Variants in NR3C2 observed in about 807,000 individuals in gnomAD.
NR3C2 encodes the protein nuclear receptor subfamily 3 group C member 2.
NR3C2 carries 15 observed loss-of-function variants against 86.4 expected under a neutral mutation model. The ratio of observed to expected loss-of-function variants is 0.17; its 90% CI spans 0.12 to 0.27. The LOEUF is 0.27. Among genes scored for constraint, NR3C2 ranks in the 10% least tolerant of loss-of-function variants. The pLI, the probability that NR3C2 is intolerant of heterozygous loss-of-function variation, is 1.00. For synonymous variants in NR3C2, 458 were observed against 450.5 expected (o/e 1.02, Z -0.21); for missense variants, 960 against 1,195.6 (o/e 0.80, Z 2.91).
chr4:148,259,020 T>A (rs530091395), intron 3 of NR3C2, among the ~76,000 whole-genome samples: 10 of 152,316 alleles, frequency 6.6e-5, no homozygotes, highest in Admixed American at 5.9e-4. Flanking sequence ...AGAGAAAGAA[T>A]AATTACTTGG....
At chr4:148,111,698 A>C (rs1359759123) in intron 8 of NR3C2, among the ~76,000 whole-genome samples, 2 of 152,216 alleles carry the variant, frequency 1.3e-5, no homozygotes, top group African/African-American at 4.8e-5. Flanking sequence ...GTGAATCTCA[A>C]CGTTACTATG....
intron 6 of NR3C2, among the ~76,000 whole-genome samples, chr4:148,141,606 C>G (rs1319919615): frequency 6.6e-6 from 1 of 152,148 alleles, no homozygotes; most frequent in African/African-American, 2.4e-5. Context: ...TACTATAGAG[C>G]AGGGGTCCCC....
chr4:148,366,712 C>T (rs1447163525), intron 2 of NR3C2, among the ~76,000 whole-genome samples: 2 of 152,032 alleles, frequency 1.3e-5, no homozygotes, highest in South Asian at 2.1e-4. Context: ...TTCTCTTTCC[C>T]CACATACTTA....
At chr4:148,345,703 G>A (rs778709723) in intron 2 of NR3C2, among the ~76,000 whole-genome samples, 3 of 151,818 alleles carry the variant, frequency 2.0e-5, no homozygotes, top group African/African-American at 7.3e-5. Flanking sequence ...TTCGTGTGCC[G>A]GAGTAAAGGT....
At position 148,200,638 on chromosome 4, in the gene NR3C2, A is replaced by G. The variant is rs116765676; in HGVS notation, c.1898-5776T>C. 8.0e-3 allele frequency among the ~76,000 whole-genome samples: 1,219 copies of G among 152,284 alleles called. 12 individuals are homozygous for G. Among genetic ancestry groups the G allele is most frequent in the African/African-American group, 0.028 (1,158 of 41,544 alleles). On this transcript the variant is annotated intron_variant, in intron 3 of 8. Coordinates refer to ENST00000358102, the MANE Select transcript of NR3C2 (RefSeq NM_000901.5). ...TTTAGAGAAGTTACTTAGCCTTTTC[A>G]TATATCAGTTTCCTGACTTGTTAAA...
intron 2 of NR3C2, among the ~76,000 whole-genome samples, chr4:148,276,350 T>C (rs560269749): frequency 6.6e-6 from 1 of 152,330 alleles, no homozygotes; most frequent in South Asian, 2.1e-4. Context: ...TTTATATACC[T>C]ACAACTCTGA....
At chr4:148,187,045 A>C (rs865966143) in intron 4 of NR3C2, among the ~76,000 whole-genome samples, 6 of 109,804 alleles carry the variant, frequency 5.5e-5, no homozygotes, top group African/African-American at 1.5e-4. Flanking sequence ...TATATATATA[A>C]AGAAACTGTG....
chr4:148,306,593 T>C (rs2149930291), intron 2 of NR3C2, among the ~76,000 whole-genome samples: 1 of 152,358 alleles, frequency 6.6e-6, no homozygotes, highest in Admixed American at 6.5e-5. Flanking sequence ...TGAATCCCCC[T>C]GTGGGAACAC....
chr4:148,217,371 T>C (rs1322186326), intron 3 of NR3C2, among the ~76,000 whole-genome samples: 1 of 152,132 alleles, frequency 6.6e-6, no homozygotes, highest in Admixed American at 6.5e-5. Flanking sequence ...AGGAAAAATC[T>C]CTCATTTCCC....
At chr4:148,253,217 G>T (rs1739659533) in intron 3 of NR3C2, among the ~76,000 whole-genome samples, 1 of 152,190 alleles carries the variant, frequency 6.6e-6, no homozygotes, top group South Asian at 2.1e-4. Context: ...TGCAAGCTGG[G>T]TGTTGCCTCT....
chr4:148,298,434 C>T (rs1742170199), intron 2 of NR3C2, among the ~76,000 whole-genome samples: 1 of 152,160 alleles, frequency 6.6e-6, no homozygotes, highest in Non-Finnish European at 1.5e-5. Context: ...GCGCCTTGAT[C>T]ACTATTTTTA....
In NR3C2 at chr4:148,114,193, T is replaced by G; in HGVS notation, c.2710A>C (p.Arg904=). 6.2e-7 allele frequency: 1 copy of G among 1,613,960 alleles called. No individual in the cohort carries two copies. The highest frequency in any genetic ancestry group is 2.2e-5 in the East Asian group (1 of 44,882). The change falls in exon 8 of 9, where the codon AGG becomes CGG. Residue 904 remains arginine (R), a synonymous_variant. Transcript: ENST00000358102. ...EMRTNYIKEL[R]KMVTKCPNNS... Reference sequence around the variant, plus strand: ...TTGGGACACTTAGTTACCATCTTCCTCAGTTCTTTGATGTAATTTGTCCTC... The same window carrying G: ...TTGGGACACTTAGTTACCATCTTCCGCAGTTCTTTGATGTAATTTGTCCTC...
intron 2 of NR3C2, among the ~76,000 whole-genome samples, chr4:148,358,611 T>TA: frequency 7.5e-6 from 1 of 132,928 alleles, no homozygotes; most frequent in East Asian, 2.3e-4. Flanking sequence ...CCCTAGAACT[T>TA]AAAGTATAAT....
At chr4:148,302,814 C>T (rs1227505524) in intron 2 of NR3C2, among the ~76,000 whole-genome samples, 3 of 146,584 alleles carry the variant, frequency 2.0e-5, no homozygotes, top group East Asian at 4.0e-4. Context: ...CCATTGCACT[C>T]CAGCCTGGGC....
At chr4:148,093,115 C>A (rs556547100) in intron 8 of NR3C2, among the ~76,000 whole-genome samples, 1 of 152,186 alleles carries the variant, frequency 6.6e-6, no homozygotes, top group Non-Finnish European at 1.5e-5. Flanking sequence ...TTAGCAGATG[C>A]CCAGCATGAT....
At chr4:148,142,516 G>A (rs1162842654) in intron 6 of NR3C2, among the ~76,000 whole-genome samples, 4 of 152,058 alleles carry the variant, frequency 2.6e-5, no homozygotes, top group Non-Finnish European at 5.9e-5. Context: ...CCCCGAAAGG[G>A]CCTCGTTTTG....
At chr4:148,364,075 C>A (rs374337363) in intron 2 of NR3C2, among the ~76,000 whole-genome samples, 321 of 152,144 alleles carry the variant, frequency 2.1e-3, no homozygotes, top group African/African-American at 7.5e-3. Context: ...AACTGCCTAC[C>A]AATTTTAGTT....
intron 4 of NR3C2, among the ~76,000 whole-genome samples, chr4:148,182,985 C>T (rs1031937654): frequency 3.3e-5 from 5 of 152,190 alleles, no homozygotes; most frequent in Non-Finnish European, 7.3e-5. Context: ...CCCAACTCCA[C>T]AACAGGCCCC....
chr4:148,199,992 T>A (rs769884906), intron 3 of NR3C2, among the ~76,000 whole-genome samples: 1 of 152,202 alleles, frequency 6.6e-6, no homozygotes, highest in Admixed American at 6.5e-5. Flanking sequence ...GCATCTGGCA[T>A]AAGCCTTAAG....
Sources: allele counts gnomAD v4.1 joint callset (sites outside exome capture counted in the v4.1 genomes callset), GRCh38; gene constraint gnomAD v4.1.1; transcripts MANE v1.5; gene names NCBI Gene and HGNC (gene_info 2026-07-23, HGNC 2026-07-21).